The following C2orf49 variants were observed in gnomAD, a reference collection of about 807,000 sequenced individuals.
The protein encoded by C2orf49 is tRNA splicing ligase complex subunit 2.
Under a neutral mutation model 20.6 loss-of-function variants are expected in C2orf49, and 11 were observed. That is an observed-to-expected ratio of 0.53 (90% CI 0.34 to 0.88). The LOEUF (loss-of-function observed/expected upper bound fraction) is 0.88, where lower values mean the gene tolerates loss of function less well. C2orf49 is among the 40% of genes least tolerant of loss of function. The pLI is 0.02. For missense variants in C2orf49, 289 were observed against 274.2 expected, an observed-to-expected ratio of 1.05 and a Z score of -0.38; for synonymous variants, 134 against 108.5, an observed-to-expected ratio of 1.24 and a Z score of -1.46.
chr2:105,357,553 C>T, the C2orf49 span, among the ~76,000 whole-genome samples: 5 of 152,160 alleles, frequency 3.3e-5, no homozygotes, highest in Admixed American at 6.5e-5. Flanking sequence ...TTGCATATAA[C>T]CTATTCACAT....
chr2:105,341,215 A>G (rs763338147), intron 2 of C2orf49, among the ~76,000 whole-genome samples: 2 of 152,240 alleles, frequency 1.3e-5, no homozygotes, highest in South Asian at 2.1e-4. Flanking sequence ...CAGCACATTC[A>G]GGCATATTGT....
chr2:105,357,551 A>T, the C2orf49 span, among the ~76,000 whole-genome samples: 1 of 152,218 alleles, frequency 6.6e-6, no homozygotes, highest in Admixed American at 6.5e-5. Flanking sequence ...ATTTGCATAT[A>T]ACCTATTCAC....
the C2orf49 span, among the ~76,000 whole-genome samples, chr2:105,372,931 T>TA: frequency 5.9e-5 from 9 of 152,038 alleles, no homozygotes; most frequent in Non-Finnish European, 1.0e-4. Context: ...CTCTCCTACA[T>TA]AAAAAACAAA....
the C2orf49 span, chr2:105,373,644 G>C: frequency 1.2e-6 from 2 of 1,614,200 alleles, no homozygotes; most frequent in East Asian, 4.5e-5. Flanking sequence ...GGTCCTCCTT[G>C]GCAGCAAAGG....
chr2:105,358,714 G>GT, the C2orf49 span: 2 of 152,214 alleles, frequency 1.3e-5, no homozygotes, highest in Admixed American at 6.5e-5. Context: ...ATTTCCTTCA[G>GT]TAGGAAGAGG....
downstream of C2orf49, among the ~76,000 whole-genome samples, chr2:105,350,110 C>T (rs1408370573): frequency 6.6e-6 from 1 of 152,176 alleles, no homozygotes; most frequent in African/African-American, 2.4e-5. Context: ...GTCTAGCTGC[C>T]GGCTGACTAA....
At chr2:105,350,323 C>A (rs1233275314), downstream of C2orf49, among the ~76,000 whole-genome samples, 1 of 152,100 alleles carries the variant, frequency 6.6e-6, no homozygotes, top group South Asian at 2.1e-4. Flanking sequence ...TGGTGTGGCT[C>A]CAGTGAATGA....
chr2:105,340,622 G>A (rs1679641887), intron 2 of C2orf49, among the ~76,000 whole-genome samples: 1 of 152,174 alleles, frequency 6.6e-6, no homozygotes, highest in Non-Finnish European at 1.5e-5. Flanking sequence ...CTTAAGTTAT[G>A]CTATTTAAAA....
At chr2:105,350,437 T>C (rs1384551730), downstream of C2orf49, among the ~76,000 whole-genome samples, 1 of 152,186 alleles carries the variant, frequency 6.6e-6, no homozygotes, top group African/African-American at 2.4e-5. Context: ...AATTGGAAGC[T>C]GTTTGTTAAC....
At chr2:105,344,534 A>T (rs1679760060) in intron 3 of C2orf49, among the ~76,000 whole-genome samples, 1 of 152,012 alleles carries the variant, frequency 6.6e-6, no homozygotes, top group African/African-American at 2.4e-5. Context: ...CCCACATATA[A>T]ATCTTTTTCT....
chr2:105,382,211 C>T, the C2orf49 span, among the ~76,000 whole-genome samples: 1 of 152,282 alleles, frequency 6.6e-6, no homozygotes, highest in South Asian at 2.1e-4. Context: ...CAACTTGAGC[C>T]TCAATTCTGC....
At chr2:105,354,766 T>G in the C2orf49 span, among the ~76,000 whole-genome samples, 2 of 152,244 alleles carry the variant, frequency 1.3e-5, no homozygotes, top group Non-Finnish European at 2.9e-5. Flanking sequence ...GTTGTGCATT[T>G]AAATTAAACC....
Position 105,339,667 on chromosome 2 carries a change from C to T in C2orf49, c.184C>T (p.Gln62Ter). ...LYVQHAIPLP[Q>*]RDLPKNRWGK... is the part of the protein sequence containing the mutation. ...TGTCCAACATGCAATACCATTGCCT[C>T]AGAGGGATTTGCCGAAGAATAGATG... Residue 62 changes from glutamine (Q) to a stop codon, truncating the protein, a stop_gained, in exon 2 of 4, where the codon CAG becomes TAG. Coordinates refer to ENST00000258457, the MANE Select transcript of C2orf49 (RefSeq NM_024093.3). LOFTEE classifies it high-confidence loss of function. 1 of 1,608,668 alleles carries T rather than the reference C, an allele frequency of 6.2e-7. No individual in the cohort carries two copies.
At position 105,347,773 on chromosome 2, in the gene C2orf49, T is replaced by C. The variant is rs1679849661; in HGVS notation, c.*2402T>C. ...TGGGAGCCCTGAGTTTTGAAGTGTT[T>C]TGGTTTGCTTCAAAGGTTAGAAGAA... On this transcript the variant is annotated 3_prime_UTR_variant, in exon 4 of 4. Coordinates refer to ENST00000258457, the MANE Select transcript of C2orf49 (RefSeq NM_024093.3). 2 of 152,236 alleles carry C rather than the reference T, an allele frequency of 1.3e-5. No individual in the cohort carries two copies. Among genetic ancestry groups the C allele is most frequent in the Admixed American group, 1.3e-4 (2 of 15,280 alleles). 9.4% of individuals were successfully genotyped at this position (152,236 alleles called of 1,614,324 possible). A position where few individuals can be genotyped will look rare whatever the true frequency, so the allele number is the denominator to read the frequency against.
intron 1 of C2orf49, 28 bp downstream of exon 1, chr2:105,337,714 C>T: frequency 1.2e-6 from 1 of 832,530 alleles, no homozygotes; most frequent in Non-Finnish European, 1.5e-6. Context: ...GGAGGGTGGG[C>T]GGGTGGGCCT....
chr2:105,380,598 A>G, the C2orf49 span, among the ~76,000 whole-genome samples: 1 of 152,200 alleles, frequency 6.6e-6, no homozygotes, highest in Non-Finnish European at 1.5e-5. Context: ...CCATGCCGGT[A>G]GCTTAATTTT....
At chr2:105,340,516 G>A (rs11124028) in intron 2 of C2orf49, among the ~76,000 whole-genome samples, 35,509 of 152,084 alleles carry the variant, frequency 0.23, 5,531 homozygotes, top group East Asian at 0.55. Context: ...TTTGAAGATA[G>A]AGCCAATAGG....
At chr2:105,370,581 G>T in the C2orf49 span, among the ~76,000 whole-genome samples, 2 of 152,138 alleles carry the variant, frequency 1.3e-5, no homozygotes, top group African/African-American at 4.8e-5. Context: ...TGTGTGGGGG[G>T]TGTGGAGCTG....
intron 1 of C2orf49, among the ~76,000 whole-genome samples, chr2:105,338,165 A>G (rs193226070): frequency 6.6e-6 from 1 of 152,296 alleles, no homozygotes; most frequent in Admixed American, 6.5e-5. Context: ...TACTTCCGGG[A>G]GGAGAATTCA....
Sources: gnomAD v4.1 joint callset for allele counts (sites outside exome capture counted in the v4.1 genomes callset) on GRCh38, gnomAD v4.1.1 for gene constraint, MANE v1.5 for transcripts, NCBI Gene and HGNC (gene_info 2026-07-23, HGNC 2026-07-21) for gene names.